The following CACNA1C variants were observed in gnomAD, a reference collection of about 807,000 sequenced individuals.
CACNA1C encodes the protein calcium voltage-gated channel subunit alpha1 C.
In CACNA1C, 30 loss-of-function variants were observed where a neutral mutation model predicts 229.0. The observed-to-expected ratio is 0.13, with a 90% CI of 0.10 to 0.18. The LOEUF (loss-of-function observed/expected upper bound fraction) is 0.18. CACNA1C is among the 10% of genes least tolerant of loss of function. The probability of loss-of-function intolerance (pLI) is 1.00; values close to 1 mark genes in which losing one functional copy is unlikely to be tolerated. For synonymous variants in CACNA1C, 1,114 were observed against 1,132.5 expected (o/e 0.98, Z 0.33); for missense variants, 1,658 against 2,845.0 (o/e 0.58, Z 9.49).
chr12:2,407,126 C>A (rs917913304), intron 3 of CACNA1C, among the ~76,000 whole-genome samples: 1 of 152,322 alleles, frequency 6.6e-6, no homozygotes, highest in Admixed American at 6.5e-5. Flanking sequence ...GACACCGCAG[C>A]GAGGGAGAGG....
intron 1 of CACNA1C, among the ~76,000 whole-genome samples, chr12:2,094,312 C>T (rs529739151): frequency 2.6e-5 from 4 of 152,242 alleles, no homozygotes; most frequent in South Asian, 2.1e-4. Flanking sequence ...CAAGGAGTTC[C>T]GGTGGTCCTA....
Position 2,677,027 on chromosome 12 carries a change from A to G in CACNA1C, c.4829-67A>G, listed in dbSNP as rs538728204. On this transcript the variant is annotated intron_variant, in intron 39 of 46. Transcript: ENST00000399655. The surrounding 1 kb of genome is among the most constrained non-coding windows in gnomAD (Gnocchi z 7.4). ...AAAGTTTTGGATGCTGAAAAAAAAA[A>G]TGAATGAAGTTCAACTGAATTCCCC... 4.8e-5 allele frequency: 66 copies of G among 1,381,100 alleles called. No individual in the cohort carries two copies. In the Middle Eastern group the frequency reaches 1.3e-3, roughly 26 times the overall value. 85.6% of individuals were successfully genotyped at this position (1,381,100 alleles called of 1,614,324 possible).
At chr12:2,451,843 A>G (rs2154563652) in intron 4 of CACNA1C, among the ~76,000 whole-genome samples, 1 of 152,344 alleles carries the variant, frequency 6.6e-6, no homozygotes, top group South Asian at 2.1e-4. Flanking sequence ...TTAAGATGCC[A>G]GCAGTTGCCC....
intron 3 of CACNA1C, among the ~76,000 whole-genome samples, chr12:2,140,794 C>T (rs2094098533): frequency 6.6e-6 from 1 of 151,578 alleles, no homozygotes; most frequent in South Asian, 2.1e-4. Flanking sequence ...CAAGGGTGCG[C>T]AGGGTCTCTG....
intron 1 of CACNA1C, 135 bp from the exon 2 acceptor site, chr12:2,115,089 C>T (rs893192479): frequency 3.8e-5 from 26 of 680,606 alleles, no homozygotes; most frequent in Non-Finnish European, 5.8e-5. Context: ...CATGTTTCCA[C>T]GTGCCACCTC....
intron 2 of CACNA1C, among the ~76,000 whole-genome samples, chr12:2,117,341 A>G (rs1212469942): frequency 6.6e-6 from 1 of 152,248 alleles, no homozygotes; most frequent in Non-Finnish European, 1.5e-5. Flanking sequence ...AATGCATTTT[A>G]AAACAAGTGG....
At chr12:2,129,649 A>G (rs1218581609) in intron 3 of CACNA1C, among the ~76,000 whole-genome samples, 3 of 152,212 alleles carry the variant, frequency 2.0e-5, no homozygotes, top group African/African-American at 7.2e-5. Flanking sequence ...AACATATTTC[A>G]TCCTTTTTCT....
At position 2,602,821 on chromosome 12, in the gene CACNA1C, T is replaced by C. The variant is rs1388259089; in HGVS notation, c.2960+861T>C. Among the ~76,000 whole-genome samples, 1 of 152,138 alleles carries C rather than the reference T, an allele frequency of 6.6e-6. No homozygotes were observed. Among genetic ancestry groups the C allele is most frequent in the African/African-American group, 2.4e-5 (1 of 41,430 alleles). ...TACCAAGTTCTAACAGCTGATAGTG[T>C]GAATCCTACACTTTAACTTTCAAAG... On this transcript the variant is annotated intron_variant, in intron 22 of 46. Coordinates refer to ENST00000399655, the MANE Select transcript of CACNA1C (RefSeq NM_000719.7). The surrounding 1 kb of genome is among the most constrained non-coding windows in gnomAD (Gnocchi z 4.4).
chr12:2,155,287 C>T (rs938469013), intron 3 of CACNA1C, among the ~76,000 whole-genome samples: 25 of 152,136 alleles, frequency 1.6e-4, no homozygotes, highest in African/African-American at 6.0e-4. Flanking sequence ...CTTCAGGGTC[C>T]CGGAGATCAT....
intron 3 of CACNA1C, among the ~76,000 whole-genome samples, chr12:2,397,797 C>T (rs1374340920): frequency 6.6e-6 from 1 of 152,248 alleles, no homozygotes; most frequent in Non-Finnish European, 1.5e-5. Context: ...TCTTACTGCT[C>T]TGTCAGAGCC....
intron 1 of CACNA1C, among the ~76,000 whole-genome samples, chr12:2,090,461 G>C (rs1467632417): frequency 6.6e-6 from 1 of 151,696 alleles, no homozygotes; most frequent in African/African-American, 2.4e-5. Context: ...GGGATTACAG[G>C]TGTGCACTAC....
At chr12:2,116,743 C>T (rs1312175851) in intron 2 of CACNA1C, among the ~76,000 whole-genome samples, 1 of 152,088 alleles carries the variant, frequency 6.6e-6, no homozygotes, top group East Asian at 1.9e-4. Flanking sequence ...ACAGGAGAGG[C>T]TCCCCAGGGT....
At chr12:2,033,852 A>C (rs2048648653) in intron 1 of CACNA1C, among the ~76,000 whole-genome samples, 1 of 152,232 alleles carries the variant, frequency 6.6e-6, no homozygotes, top group Admixed American at 6.5e-5. Flanking sequence ...AGAGGTGGTG[A>C]GAGTTTGCCT....
chr12:2,179,460 A>G (rs1598282341), intron 3 of CACNA1C, among the ~76,000 whole-genome samples: 1 of 152,350 alleles, frequency 6.6e-6, no homozygotes, highest in East Asian at 1.9e-4. Flanking sequence ...CTAAGGTTGG[A>G]AGGACTTTTG....
chr12:2,179,529 G>A (rs1014562426), intron 3 of CACNA1C, among the ~76,000 whole-genome samples: 7 of 152,110 alleles, frequency 4.6e-5, no homozygotes, highest in Non-Finnish European at 8.8e-5. Context: ...CAGAAACTCC[G>A]GGCTCTGAAT....
intron 1 of CACNA1C, among the ~76,000 whole-genome samples, chr12:1,985,712 T>A (rs541814660): frequency 2.0e-5 from 3 of 152,360 alleles, no homozygotes; most frequent in East Asian, 3.9e-4. Flanking sequence ...CCAGAGAATG[T>A]TCACTTTGTA....
chr12:2,482,247 A>G (rs542940013), intron 5 of CACNA1C, among the ~76,000 whole-genome samples: 3 of 152,252 alleles, frequency 2.0e-5, no homozygotes, highest in Admixed American at 2.0e-4. Context: ...GGAAGCAGGG[A>G]CTCCACTAGA....
In CACNA1C at chr12:2,467,634, A is replaced by G. The variant is rs149080899; in HGVS notation, c.757+9928A>G. ...TCACACTGCAGGAGGCTTGCCTCTA[A>G]GAAACAGAATTTAGAACAGGGTGGG... On this transcript the variant is annotated intron_variant, in intron 5 of 46. Coordinates refer to ENST00000399655, the MANE Select transcript of CACNA1C (RefSeq NM_000719.7). This position sits in a 1 kb window ranked among gnomAD's most constrained non-coding sequence, Gnocchi z 4.6. Among the ~76,000 whole-genome samples, 674 of 152,260 alleles carry G rather than the reference A, an allele frequency of 4.4e-3. 2 individuals carry two copies. Among genetic ancestry groups the G allele is most frequent in the Admixed American group, 9.1e-3 (139 of 15,302 alleles).
intron 3 of CACNA1C, among the ~76,000 whole-genome samples, chr12:2,316,558 A>G (rs184290083): frequency 9.8e-5 from 15 of 152,350 alleles, no homozygotes; most frequent in Admixed American, 3.9e-4. Flanking sequence ...TGACAAGGAA[A>G]GCCCTTGGTC....
Sources: gnomAD v4.1 joint callset for allele counts (sites outside exome capture counted in the v4.1 genomes callset) on GRCh38, gnomAD v4.1.1 for gene constraint, Gnocchi (gnomAD v3.1) non-coding constraint, MANE v1.5 for transcripts, NCBI Gene and HGNC (gene_info 2026-07-23, HGNC 2026-07-21) for gene names.